The following DNM3 variants were observed in gnomAD, a reference collection of about 807,000 sequenced individuals.
DNM3 encodes dynamin-3.
In DNM3, 47 loss-of-function variants were observed where a neutral mutation model predicts 101.6. The observed-to-expected ratio is 0.46, with a 90% CI of 0.37 to 0.59. DNM3 has a LOEUF of 0.59. DNM3 is among the 20% of genes least tolerant of loss of function. The probability of loss-of-function intolerance (pLI) is 0.00; values close to 1 mark genes in which losing one functional copy is unlikely to be tolerated. For missense variants in DNM3, 849 were observed against 1,085.7 expected, an observed-to-expected ratio of 0.78 and a Z score of 3.06; for synonymous variants, 385 against 387.9, an observed-to-expected ratio of 0.99 and a Z score of 0.09.
intron 17 of DNM3, among the ~76,000 whole-genome samples, chr1:172,371,349 C>A (rs1337366111): frequency 6.6e-6 from 1 of 151,958 alleles, no homozygotes; most frequent in Non-Finnish European, 1.5e-5. Flanking sequence ...TGATTTATTT[C>A]TCTGATTTAG....
chr1:172,373,773 A>G (rs1318170452), intron 17 of DNM3, among the ~76,000 whole-genome samples: 6 of 152,082 alleles, frequency 3.9e-5, no homozygotes, highest in Admixed American at 3.9e-4. Flanking sequence ...GAGAGAGAGA[A>G]GTAACAAAAG....
At chr1:172,170,770 C>A (rs1271288469) in intron 14 of DNM3, among the ~76,000 whole-genome samples, 1 of 151,796 alleles carries the variant, frequency 6.6e-6, no homozygotes, top group Non-Finnish European at 1.5e-5. Context: ...CAAATCCCAT[C>A]ATAAATTCTT....
At chr1:172,326,261 G>C (rs971855512) in intron 17 of DNM3, among the ~76,000 whole-genome samples, 3 of 151,982 alleles carry the variant, frequency 2.0e-5, no homozygotes, top group South Asian at 2.1e-4. Flanking sequence ...TTCCTTCCAG[G>C]CCTGTTACTT....
intron 14 of DNM3, among the ~76,000 whole-genome samples, chr1:172,223,988 G>T (rs905863258): frequency 6.6e-6 from 1 of 152,112 alleles, no homozygotes; most frequent in Non-Finnish European, 1.5e-5. Flanking sequence ...TCCATAAAGC[G>T]TACATGTCTC....
At chr1:172,281,113 T>G (rs1343535885) in intron 15 of DNM3, among the ~76,000 whole-genome samples, 1 of 151,520 alleles carries the variant, frequency 6.6e-6, no homozygotes, top group Non-Finnish European at 1.5e-5. Flanking sequence ...ATGGAGAGAG[T>G]GTGATAGCAG....
At chr1:172,308,498 G>A (rs2064941552) in intron 15 of DNM3, among the ~76,000 whole-genome samples, 1 of 152,120 alleles carries the variant, frequency 6.6e-6, no homozygotes, top group South Asian at 2.1e-4. Flanking sequence ...TTTTGTAGCA[G>A]TACAGATAAC....
At position 171,845,857 on chromosome 1, in the gene DNM3, AT is replaced by A. The variant is rs560687836; in HGVS notation, c.161+4041del. Among the ~76,000 whole-genome samples, 121 of 152,322 alleles carry A rather than the reference AT, an allele frequency of 7.9e-4. 1 individual carries two copies. Among genetic ancestry groups the A allele is most frequent in the African/African-American group, 2.8e-3 (117 of 41,580 alleles). On this transcript the variant is annotated intron_variant, in intron 1 of 20. Transcript: ENST00000627582. The stretch of plus-strand genomic sequence containing the variant: ...TTTTAAAATGACACGCTTGTTAGAA[AT>A]ATTAGTTTTTCAATGCTAATTATAT...
intron 11 of DNM3, among the ~76,000 whole-genome samples, chr1:172,070,359 T>G (rs2052064884): frequency 6.6e-6 from 1 of 152,206 alleles, no homozygotes. Flanking sequence ...ACTTAAGTTC[T>G]TAAGAATCAG....
chr1:172,373,766 A>G (rs1002995249), intron 17 of DNM3, among the ~76,000 whole-genome samples: 7 of 152,026 alleles, frequency 4.6e-5, no homozygotes, highest in African/African-American at 1.7e-4. Flanking sequence ...GAAGAATGAG[A>G]GAGAGAAGTA....
chr1:172,409,025 G>C lies in DNM3; in HGVS notation c.*1184G>C, dbSNP rs1300226470. The C allele has an allele frequency of 3.0e-6, 3 of 985,202 alleles. No individual in the cohort carries two copies. Among genetic ancestry groups the C allele is most frequent in the Non-Finnish European group, 3.6e-6 (3 of 829,884 alleles). The allele number at this position is 985,202 out of a possible 1,614,324, so 61.0% of individuals were successfully genotyped here. A position where few individuals can be genotyped will look rare whatever the true frequency, so the allele number is the denominator to read the frequency against. ...GGGTATTGAAACGTTGAAATCTAAA[G>C]CAAATTTGCAATTTCTTAAGATTTC... On this transcript the variant is annotated 3_prime_UTR_variant, in exon 21 of 21. Transcript: ENST00000627582.
At chr1:172,155,285 G>T (rs2058294082) in intron 14 of DNM3, among the ~76,000 whole-genome samples, 1 of 135,584 alleles carries the variant, frequency 7.4e-6, no homozygotes, top group Non-Finnish European at 1.5e-5. Flanking sequence ...GGTAGGCCTT[G>T]TGCTTTGCAA....
At chr1:172,198,553 TTG>T (rs1342971294) in intron 14 of DNM3, among the ~76,000 whole-genome samples, 3 of 152,016 alleles carry the variant, frequency 2.0e-5, no homozygotes, top group African/African-American at 7.2e-5. Context: ...GGCTTTTTTT[TTG>T]GTTGGTAGGC....
At chr1:172,416,530 T>C (rs1321767601), downstream of DNM3, among the ~76,000 whole-genome samples, 2 of 152,150 alleles carry the variant, frequency 1.3e-5, no homozygotes, top group African/African-American at 4.8e-5. Flanking sequence ...TGGAATATAT[T>C]CCAAGACATA....
intron 17 of DNM3, among the ~76,000 whole-genome samples, chr1:172,349,871 A>G (rs553429952): frequency 5.3e-4 from 80 of 152,264 alleles, no homozygotes; most frequent in Non-Finnish European, 8.5e-4. Flanking sequence ...TATTTATACA[A>G]TGATATGTGA....
chr1:171,916,680 C>T (rs1230909302), intron 1 of DNM3, among the ~76,000 whole-genome samples: 1 of 152,190 alleles, frequency 6.6e-6, no homozygotes, highest in East Asian at 1.9e-4. Context: ...TTCTCTTCTT[C>T]AACGTTTTCT....
At chr1:172,264,941 T>C (rs16844148) in intron 15 of DNM3, among the ~76,000 whole-genome samples, 1 of 152,160 alleles carries the variant, frequency 6.6e-6, no homozygotes, top group Non-Finnish European at 1.5e-5. Flanking sequence ...AGACTTTAAC[T>C]GGAATTGCTC....
At chr1:172,101,363 A>G (rs1438802624) in intron 13 of DNM3, among the ~76,000 whole-genome samples, 1 of 152,102 alleles carries the variant, frequency 6.6e-6, no homozygotes, top group African/African-American at 2.4e-5. Flanking sequence ...TCTACTGACT[A>G]TGTTAGGTTG....
At chr1:171,870,493 CAAAA>C (rs967782836) in intron 1 of DNM3, among the ~76,000 whole-genome samples, 3 of 150,496 alleles carry the variant, frequency 2.0e-5, no homozygotes, top group Non-Finnish European at 3.0e-5. Context: ...AACAAACAAA[CAAAA>C]AAAAACCCTC....
intron 14 of DNM3, among the ~76,000 whole-genome samples, chr1:172,214,494 T>C (rs2060624058): frequency 7.0e-6 from 1 of 142,934 alleles, no homozygotes; most frequent in Non-Finnish European, 1.5e-5. Context: ...TATGTACATA[T>C]ATACACATAC....
Sources: gnomAD v4.1 joint callset for allele counts (sites outside exome capture counted in the v4.1 genomes callset) on GRCh38, gnomAD v4.1.1 for gene constraint, MANE v1.5 for transcripts, NCBI Gene and HGNC (gene_info 2026-07-23, HGNC 2026-07-21) for gene names.